The following TMCC1 variants were observed in gnomAD, a reference collection of about 807,000 sequenced individuals.
TMCC1 encodes the protein transmembrane and coiled-coil domain family 1.
A neutral mutation model predicts 52.4 loss-of-function variants in TMCC1; 15 were observed. The observed-to-expected ratio is 0.29, with a 90% CI of 0.19 to 0.44. TMCC1 has a LOEUF of 0.44. Ranked by LOEUF, TMCC1 falls within the 20% of genes least tolerant of loss-of-function variation. The pLI, the probability that TMCC1 is intolerant of heterozygous loss-of-function variation, is 1.00. For missense variants in TMCC1, 503 were observed against 806.0 expected (o/e 0.62, Z 4.55); for synonymous variants, 279 against 301.9 (o/e 0.92, Z 0.79).
intron 5 of TMCC1, among the ~76,000 whole-genome samples, chr3:129,662,128 C>T (rs2087081617): frequency 1.3e-5 from 2 of 152,002 alleles, no homozygotes; most frequent in African/African-American, 4.8e-5. Context: ...GGAATTTTAA[C>T]CCCTTTACAG....
intron 4 of TMCC1, among the ~76,000 whole-genome samples, chr3:129,701,419 G>GT (rs1246450687): frequency 6.6e-6 from 1 of 152,178 alleles, no homozygotes; most frequent in African/African-American, 2.4e-5. Flanking sequence ...GGTAGATTTT[G>GT]TTTGACTTCA....
At chr3:129,797,371 A>G (rs1007933833) in intron 4 of TMCC1, among the ~76,000 whole-genome samples, 1 of 151,828 alleles carries the variant, frequency 6.6e-6, no homozygotes, top group Non-Finnish European at 1.5e-5. Flanking sequence ...CGGGAAGAGC[A>G]GAGAAGATGC....
At chr3:129,657,528 T>C (rs1183581985) in intron 5 of TMCC1, among the ~76,000 whole-genome samples, 1 of 152,250 alleles carries the variant, frequency 6.6e-6, no homozygotes, top group African/African-American at 2.4e-5. Context: ...AAAATCCAAG[T>C]TCTTAAACTT....
chr3:129,758,842 A>C (rs1292693292), intron 4 of TMCC1, among the ~76,000 whole-genome samples: 1 of 152,188 alleles, frequency 6.6e-6, no homozygotes, highest in East Asian at 1.9e-4. Context: ...CTCTCTTCCC[A>C]GCCCCTGGCA....
At chr3:129,792,356 AT>A (rs934528860) in intron 4 of TMCC1, among the ~76,000 whole-genome samples, 9 of 150,826 alleles carry the variant, frequency 6.0e-5, no homozygotes, top group African/African-American at 1.2e-4. Context: ...TTGCTGATAT[AT>A]TTTTTTTTAA....
intron 4 of TMCC1, among the ~76,000 whole-genome samples, chr3:129,825,088 T>C (rs767367381): frequency 6.7e-4 from 102 of 152,276 alleles, no homozygotes; most frequent in Non-Finnish European, 1.1e-3. Context: ...CTGTCAGGCA[T>C]CCATCCCCTC....
chr3:129,877,915 C>T (rs547386491), intron 2 of TMCC1, among the ~76,000 whole-genome samples: 1 of 151,752 alleles, frequency 6.6e-6, no homozygotes, highest in South Asian at 2.1e-4. Flanking sequence ...GGATTACAGG[C>T]GTGAGCCACC....
chr3:129,749,198 CA>C (rs2107651568), intron 4 of TMCC1, among the ~76,000 whole-genome samples: 1 of 150,270 alleles, frequency 6.7e-6, no homozygotes, highest in East Asian at 2.0e-4. Flanking sequence ...AAAAATCAAG[CA>C]AATATCCCCA....
At chr3:129,753,947 CAA>C (rs140879279) in intron 4 of TMCC1, among the ~76,000 whole-genome samples, 48 of 136,396 alleles carry the variant, frequency 3.5e-4, no homozygotes, top group African/African-American at 7.4e-4. Context: ...TAAGAATCTA[CAA>C]AAAAAAAAAA....
intron 4 of TMCC1, among the ~76,000 whole-genome samples, chr3:129,771,412 T>C (rs1420770437): frequency 6.6e-6 from 1 of 152,156 alleles, no homozygotes; most frequent in Non-Finnish European, 1.5e-5. Context: ...ATGAATTACA[T>C]TCTGAGTACA....
intron 1 of TMCC1, among the ~76,000 whole-genome samples, chr3:129,889,778 C>T (rs1399359821): frequency 1.3e-5 from 2 of 150,214 alleles, no homozygotes; most frequent in Non-Finnish European, 3.0e-5. Flanking sequence ...GTATAAAATA[C>T]AAAAATAAGA....
chr3:129,786,112 G>A (rs762844035), intron 4 of TMCC1, among the ~76,000 whole-genome samples: 1 of 151,872 alleles, frequency 6.6e-6, no homozygotes, highest in East Asian at 1.9e-4. Context: ...GCTAATTTTT[G>A]TATTTTTAGT....
intron 5 of TMCC1, among the ~76,000 whole-genome samples, chr3:129,669,027 C>T (rs926611214): frequency 3.3e-5 from 5 of 152,084 alleles, no homozygotes; most frequent in African/African-American, 7.2e-5. Flanking sequence ...TGGTCTTCTC[C>T]CTTGAAGTCT....
intron 4 of TMCC1, among the ~76,000 whole-genome samples, chr3:129,780,440 T>C (rs1361164500): frequency 6.6e-6 from 1 of 152,084 alleles, no homozygotes; most frequent in East Asian, 1.9e-4. Context: ...CACCCCTCTA[T>C]TTTTCCACTA....
chr3:129,729,402 T>A (rs1372080778), intron 4 of TMCC1, among the ~76,000 whole-genome samples: 4 of 152,250 alleles, frequency 2.6e-5, no homozygotes, highest in African/African-American at 9.6e-5. Flanking sequence ...CATTAAAGAA[T>A]CTTTTGTAAA....
intron 4 of TMCC1, among the ~76,000 whole-genome samples, chr3:129,760,454 CTGTGTGTGTGTGTGTGTGTGTGTG>C (rs61394124): frequency 5.3e-4 from 69 of 128,978 alleles, no homozygotes; most frequent in Non-Finnish European, 1.0e-3. Flanking sequence ...CAGTCTCGCT[CTGTGTGTGTGTGTGTGTGTGTGTG>C]TGTGTGTGTG....
At chr3:129,764,757 G>GTA (rs869170594) in intron 4 of TMCC1, among the ~76,000 whole-genome samples, 16 of 73,382 alleles carry the variant, frequency 2.2e-4, no homozygotes, top group African/African-American at 1.6e-3. Flanking sequence ...GTGTGTGTGT[G>GTA]TATATATATA....
In TMCC1 at chr3:129,670,944, A is replaced by C; in HGVS notation, c.897T>G (p.Leu299=). The change falls in exon 5 of 7, where the codon CTT becomes CTG. Residue 299 remains leucine (L), a synonymous_variant. Coordinates refer to ENST00000393238, the MANE Select transcript of TMCC1 (RefSeq NM_001017395.5). Reference sequence around the variant, plus strand: ...CTCTGAGCTTCCTGTGGTAGTGCTCAAGTTTCTTTTGCAGCTGGAGGATAG... The same window carrying C: ...CTCTGAGCTTCCTGTGGTAGTGCTCCAGTTTCTTTTGCAGCTGGAGGATAG... The part of the protein sequence containing the change: ...AQTILQLQKK[L]EHYHRKLREV... 2 of 1,614,148 alleles carry C rather than the reference A, an allele frequency of 1.2e-6. No homozygotes were observed. Among genetic ancestry groups the C allele is most frequent in the Non-Finnish European group, 1.7e-6 (2 of 1,180,020 alleles).
At chr3:129,664,061 G>A (rs1034843810) in intron 5 of TMCC1, among the ~76,000 whole-genome samples, 1 of 152,124 alleles carries the variant, frequency 6.6e-6, no homozygotes, top group South Asian at 2.1e-4. Context: ...GCGGCTAAAC[G>A]CTAAACTGGG....
Sources: allele counts gnomAD v4.1 joint callset (sites outside exome capture counted in the v4.1 genomes callset), GRCh38; gene constraint gnomAD v4.1.1; transcripts MANE v1.5; gene names NCBI Gene and HGNC (gene_info 2026-07-23, HGNC 2026-07-21).